CES1: variants seen among roughly 807,000 people sequenced by gnomAD.
CES1 encodes the protein liver carboxylesterase 1.
CES1 carries 50 observed loss-of-function variants against 53.0 expected under a neutral mutation model. The observed-to-expected ratio is 0.94, with a 90% CI of 0.75 to 1.19. The LOEUF is 1.19. Among genes scored for constraint, CES1 ranks in the 50% most tolerant of loss-of-function variants. CES1 has a pLI of 0.00. For synonymous variants in CES1, 202 were observed against 210.1 expected (o/e 0.96, Z 0.33); for missense variants, 534 against 538.0 (o/e 0.99, Z 0.07).
chr16:55,820,579 C>T (rs1250838332), intron 5 of CES1, 100 bp from the exon 6 acceptor site: 54 of 1,583,404 alleles, frequency 3.4e-5, no homozygotes, highest in Middle Eastern at 1.7e-4. Flanking sequence ...AAAACCAACA[C>T]GGGACTGAGG....
At chr16:55,827,534 A>G (rs1284775313) in intron 2 of CES1, among the ~76,000 whole-genome samples, 1 of 152,110 alleles carries the variant, frequency 6.6e-6, no homozygotes, top group African/African-American at 2.4e-5. Context: ...CAAACAAGAA[A>G]TATATACTCT....
At chr16:55,810,231 T>C (rs1161469206) in intron 11 of CES1, among the ~76,000 whole-genome samples, 3 of 152,250 alleles carry the variant, frequency 2.0e-5, no homozygotes, top group South Asian at 2.1e-4. Flanking sequence ...TGACAACGCA[T>C]CTTGGATTGG....
Position 55,833,077 on chromosome 16 carries a change from G to T in CES1, c.-22C>A. On this transcript the variant is annotated 5_prime_UTR_variant, in exon 1 of 14. Transcript: ENST00000360526. ...ACATCGTGGAAGGGCGACAGTTCTC[G>T]GGGCCTGCGAGGTCTCTGTGCAGTT... 1 of 1,554,992 alleles carries T rather than the reference G, an allele frequency of 6.4e-7. No individual in the cohort carries two copies. Among genetic ancestry groups the T allele is most frequent in the Non-Finnish European group, 8.8e-7 (1 of 1,133,116 alleles).
At position 55,826,257 on chromosome 16, in the gene CES1, T is replaced by C; in HGVS notation, c.299A>G (p.Glu100Gly). The change falls in exon 3 of 14, where the codon GAG becomes GGG. Residue 100 changes from glutamate (E) to glycine (G), a missense_variant. This residue lies in a region of CES1 where 164 missense variants were observed against 162.4 expected (regional missense o/e 1.01). Transcript: ENST00000360526. ...GTTCTCCTTTCGGTTTGTAAATAGC[T>C]CTGAGAGTAACTGCCCCGCCTTGGG... is the stretch of plus-strand genomic sequence containing the variant. Reference protein sequence around the residue: ...QDPKAGQLLSELFTNRKENIP... With the variant: ...QDPKAGQLLSGLFTNRKENIP... 6.2e-7 allele frequency: 1 copy of C among 1,613,976 alleles called. No homozygotes were observed. Among genetic ancestry groups the C allele is most frequent in the Non-Finnish European group, 8.5e-7 (1 of 1,179,870 alleles).
At chr16:55,820,908 G>T (rs758104827) in intron 5 of CES1, among the ~76,000 whole-genome samples, 6 of 152,148 alleles carry the variant, frequency 3.9e-5, no homozygotes, top group African/African-American at 9.7e-5. Flanking sequence ...TTCCCAGCCT[G>T]CTCAGTGTCC....
intron 1 of CES1, among the ~76,000 whole-genome samples, chr16:55,832,606 C>G (rs1216720625): frequency 3.9e-5 from 6 of 152,162 alleles, no homozygotes; most frequent in Non-Finnish European, 7.3e-5. Flanking sequence ...GAGGAAGCGC[C>G]CAGCGGGGAC....
chr16:55,826,135 G>A lies in CES1; in HGVS notation c.405+16C>T, dbSNP rs2032404740. 5.0e-6 allele frequency: 8 copies of A among 1,613,818 alleles called. No homozygotes were observed. Among genetic ancestry groups the A allele is most frequent in the Admixed American group, 1.7e-5 (1 of 60,002 alleles). On this transcript the variant is annotated intron_variant, in intron 3 of 13. Coordinates refer to ENST00000360526, the MANE Select transcript of CES1 (RefSeq NM_001025195.2). ...CTGGCACTGACACGCCTTGACCAGG[G>A]GGTCCCACAACTTACCGGCAGCCTG...
At chr16:55,813,188 G>T (rs1466116835) in intron 8 of CES1, 145 bp from the exon 9 acceptor site, 53 of 1,130,432 alleles carry the variant, frequency 4.7e-5, no homozygotes, top group South Asian at 4.4e-4. Flanking sequence ...CTAACTTAGG[G>T]GGGTAGGTCT....
chr16:55,823,311 A>G (rs1238685047), intron 4 of CES1, among the ~76,000 whole-genome samples: 1 of 152,210 alleles, frequency 6.6e-6, no homozygotes, highest in Non-Finnish European at 1.5e-5. Context: ...CAGGATGAAG[A>G]GGTGTTCTTC....
At chr16:55,826,889 T>A (rs1203521533) in intron 2 of CES1, among the ~76,000 whole-genome samples, 1 of 152,216 alleles carries the variant, frequency 6.6e-6, no homozygotes, top group Admixed American at 6.5e-5. Flanking sequence ...TATTTAGTTC[T>A]CCCAGTGTTC....
chr16:55,819,211 TC>T (rs2032070479), intron 7 of CES1, among the ~76,000 whole-genome samples: 1 of 152,208 alleles, frequency 6.6e-6, no homozygotes, highest in Non-Finnish European at 1.5e-5. Flanking sequence ...AATATCTCCA[TC>T]CCCCAAATTC....
At chr16:55,819,929 G>C (rs1399525684) in intron 6 of CES1, 1 of 569,746 alleles carries the variant, frequency 1.8e-6, no homozygotes. Flanking sequence ...AGGTGGAGCT[G>C]GGATAGAGAG....
chr16:55,817,732 CTGTA>C (rs1278238824), intron 7 of CES1, among the ~76,000 whole-genome samples: 17 of 150,368 alleles, frequency 1.1e-4, no homozygotes, highest in African/African-American at 4.2e-4. Context: ...GTGTGTGTGT[CTGTA>C]TGTGTTTCTC....
rs749305964 is a variant in CES1, at chr16:55,810,939, G to A, written c.1158C>T (p.Ser386=). The A allele has an allele frequency of 2.5e-6, 4 of 1,613,580 alleles. No individual in the cohort carries two copies. Among genetic ancestry groups the A allele is most frequent in the Admixed American group, 3.3e-5 (2 of 60,020 alleles). ...CCTAGACTCTTACAACAAGGGGATA[G>A]GACTTCCACAGGAGTGACATGGCTG... The part of the protein sequence containing the change: ...QKTAMSLLWK[S]YPLVCIAKEL... The change falls in exon 10 of 14, where the codon TCC becomes TCT. Residue 386 remains serine, a synonymous_variant. Coordinates refer to ENST00000360526, the MANE Select transcript of CES1 (RefSeq NM_001025195.2).
At chr16:55,826,065 A>C (rs1281691637) in intron 3 of CES1, 86 bp downstream of exon 3, 1 of 1,560,328 alleles carries the variant, frequency 6.4e-7, no homozygotes, top group African/African-American at 1.4e-5. Context: ...TCCCTCCCCA[A>C]GCTGCCTTCA....
rs763466751 is a variant in CES1 at position 55,819,622 on chromosome 16, A to G, written c.819T>C (p.Ala273=). ...CAGCAGAGGTGGTGGTTTTGCACCC[A>G]GCAGTGATAGCAATTTGCTGCAAAG... ...KPLAEQIAIT[A]GCKTTTSAVM... Residue 273 remains alanine (A), a synonymous_variant, in exon 7 of 14, where the codon GCT becomes GCC. Coordinates refer to ENST00000360526, the MANE Select transcript of CES1 (RefSeq NM_001025195.2). The G allele has an allele frequency of 1.2e-6, 2 of 1,613,792 alleles. No homozygotes were observed. The highest frequency in any genetic ancestry group is 1.7e-6 in the Non-Finnish European group (2 of 1,179,816).
intron 7 of CES1, among the ~76,000 whole-genome samples, chr16:55,818,059 C>T (rs2032023572): frequency 6.6e-6 from 1 of 152,194 alleles, no homozygotes; most frequent in African/African-American, 2.4e-5. Context: ...ACATTGGACT[C>T]AACTCATGGA....
At chr16:55,829,180 G>A (rs1309870316) in intron 1 of CES1, among the ~76,000 whole-genome samples, 1 of 152,044 alleles carries the variant, frequency 6.6e-6, no homozygotes, top group Non-Finnish European at 1.5e-5. Flanking sequence ...TAGAATTGGA[G>A]GCATAAAAAC....
Position 55,813,016 on chromosome 16 carries a change from C to T in CES1, c.973G>A (p.Asp325Asn), listed in dbSNP as rs1167738126. The T allele has an allele frequency of 2.5e-6, 4 of 1,613,924 alleles. No individual in the cohort carries two copies. Among genetic ancestry groups the T allele is most frequent in the Non-Finnish European group, 3.4e-6 (4 of 1,179,942 alleles). Residue 325 changes from aspartate to asparagine, a missense_variant, in exon 9 of 14, where the codon GAT (aspartate) becomes AAT (asparagine). Physicochemically the swap from Asp to Asn is conservative, Grantham distance 23. Around this residue, in one of 5 missense-constraint regions of CES1, gnomAD observed 269 missense variants for 206.6 expected, o/e 1.30. Coordinates refer to ENST00000360526, the MANE Select transcript of CES1 (RefSeq NM_001025195.2). Reference protein sequence around the residue: ...ESQPLLGTVIDGMLLLKTPEE... With the variant: ...ESQPLLGTVINGMLLLKTPEE... ...GGTGTTTTCAGCAGCAGCATCCCAT[C>T]AATCACAGTGCCCAGAAGGGGTTGA...
Sources: allele counts gnomAD v4.1 joint callset (sites outside exome capture counted in the v4.1 genomes callset), GRCh38; gene constraint gnomAD v4.1.1; regional missense constraint gnomAD v4.1.1; transcripts MANE v1.5; gene names NCBI Gene and HGNC (gene_info 2026-07-23, HGNC 2026-07-21).